Variants in SAFB2 observed in about 807,000 individuals in gnomAD.
SAFB2 encodes the protein scaffold attachment factor B2.
SAFB2 carries 32 observed loss-of-function variants against 100.6 expected under a neutral mutation model. That is an observed-to-expected ratio of 0.32 (90% CI 0.24 to 0.43). The LOEUF is 0.43. Among genes scored for constraint, SAFB2 ranks in the 20% least tolerant of loss-of-function variants. The pLI, the probability that SAFB2 is intolerant of heterozygous loss-of-function variation, is 1.00. For missense variants in SAFB2, 1,185 were observed against 1,163.4 expected (o/e 1.02, Z -0.27); for synonymous variants, 500 against 439.4 (o/e 1.14, Z -1.72).
At chr19:5,598,758 A>G (rs1249588615) in intron 13 of SAFB2, 35 bp downstream of exon 13, 3 of 1,583,794 alleles carry the variant, frequency 1.9e-6, no homozygotes, top group Admixed American at 1.7e-5. Context: ...ATCGTGAGAA[A>G]CAGCTGGCCC....
At chr19:5,613,354 A>G (rs1001945034) in intron 5 of SAFB2, 111 bp downstream of exon 5, 8 of 981,390 alleles carry the variant, frequency 8.2e-6, no homozygotes, top group Admixed American at 2.3e-5. Flanking sequence ...TAACCCCAGC[A>G]TCCAGCACAG....
At chr19:5,612,284 T>C in intron 6 of SAFB2, 1 of 534,730 alleles carries the variant, frequency 1.9e-6, no homozygotes, top group Non-Finnish European at 3.3e-6. Flanking sequence ...GGGAATTAAA[T>C]GCCACTCTAC....
rs1447589920 is a variant in SAFB2 at position 5,587,688 on chromosome 19, C to G, written c.2705+13G>C. 4 of 1,545,172 alleles carry G rather than the reference C, an allele frequency of 2.6e-6. No individual in the cohort carries two copies. The Admixed American group carries it at 8.0e-5, about 31-fold the overall frequency. On this transcript the variant is annotated intron_variant, in intron 20 of 20. Coordinates refer to ENST00000252542, the MANE Select transcript of SAFB2 (RefSeq NM_014649.3). This position sits in a 1 kb window ranked among gnomAD's most constrained non-coding sequence, Gnocchi z 4.9. ...GGAGTGAACCACCGTCCTCCACGGA[C>G]GACACACCTTACCCCGCCACTCCAC...
chr19:5,587,536 T>G lies in SAFB2; in HGVS notation c.2706-137A>C. 1 of 1,470,720 alleles carries G rather than the reference T, an allele frequency of 6.8e-7. No individual in the cohort carries two copies. The highest frequency in any genetic ancestry group is 1.4e-5 in the African/African-American group (1 of 70,632). 91.1% of individuals were successfully genotyped at this position (1,470,720 alleles called of 1,614,324 possible). ...GGTGAGAAAAATCATCATCGCACATTGTATTCCAGGTAACTCAAGAGCGTT... is the reference window on the plus strand; with the variant it reads ...GGTGAGAAAAATCATCATCGCACATGGTATTCCAGGTAACTCAAGAGCGTT... On this transcript the variant is annotated intron_variant, in intron 20 of 20. Transcript: ENST00000252542. This position sits in a 1 kb window ranked among gnomAD's most constrained non-coding sequence, Gnocchi z 4.9.
chr19:5,610,919 C>T (rs905544598), intron 7 of SAFB2: 1 of 721,798 alleles, frequency 1.4e-6, no homozygotes. Flanking sequence ...TTTAAGAACA[C>T]AACCATGGTA....
rs758533140 is a variant in SAFB2 at position 5,616,426 on chromosome 19, C to A, written c.335G>T (p.Gly112Val). The A allele has an allele frequency of 8.1e-6, 13 of 1,613,892 alleles. No homozygotes were observed. Among genetic ancestry groups the A allele is most frequent in the Non-Finnish European group, 9.3e-6 (11 of 1,180,012 alleles). Residue 112 changes from glycine to valine, a missense_variant, in exon 3 of 21, where the codon GGG (glycine) becomes GTG (valine). Coordinates refer to ENST00000252542, the MANE Select transcript of SAFB2 (RefSeq NM_014649.3). ...CTCTACCCTGACATCACTTACCTGC[C>A]CGTCTCTGGAATCGTCTTCCAGGCC... ...DNGLEDDSRDGQEDMEASLEN... is the reference protein window; with the variant it reads ...DNGLEDDSRDVQEDMEASLEN...
rs999652549 is a variant in SAFB2 at position 5,604,884 on chromosome 19, T to C, written c.1349A>G (p.Tyr450Cys). The C allele has an allele frequency of 1.2e-6, 2 of 1,613,996 alleles. No individual in the cohort carries two copies. Among genetic ancestry groups the C allele is most frequent in the Non-Finnish European group, 8.5e-7 (1 of 1,180,048 alleles). The change falls in exon 10 of 21, where the codon TAT becomes TGT. Residue 450 changes from tyrosine to cysteine, a missense_variant. Physicochemically the swap from Tyr to Cys is radical, Grantham distance 194 (BLOSUM62 -2). Coordinates refer to ENST00000252542, the MANE Select transcript of SAFB2 (RefSeq NM_014649.3). Reference protein sequence around the residue: ...TNARSPGARCYGFVTMSTSDE... With the variant: ...TNARSPGARCCGFVTMSTSDE... Reference sequence around the variant, plus strand: ...AGATGTCGACATGGTGACGAATCCATAGCATCGAGCCCCCGGGCTGCGGGC... The same window carrying C: ...AGATGTCGACATGGTGACGAATCCACAGCATCGAGCCCCCGGGCTGCGGGC...
chr19:5,616,518 C>T (rs777561069), intron 2 of SAFB2, 32 bp from the exon 3 acceptor site: 1 of 1,560,286 alleles, frequency 6.4e-7, no homozygotes, highest in East Asian at 2.2e-5. Flanking sequence ...AATCAGATAA[C>T]ACTCAAGTTC....
chr19:5,597,196 C>G (rs2052551850), intron 13 of SAFB2, among the ~76,000 whole-genome samples: 1 of 152,154 alleles, frequency 6.6e-6, no homozygotes, highest in Non-Finnish European at 1.5e-5. Context: ...TACTAGCGAC[C>G]TGGCAGGTGC....
chr19:5,620,190 TAA>T (rs981512348), intron 2 of SAFB2, among the ~76,000 whole-genome samples: 5 of 152,200 alleles, frequency 3.3e-5, no homozygotes, highest in African/African-American at 1.2e-4. Flanking sequence ...GCAACCTAAC[TAA>T]AAGATTTAAT....
rs530137049 is a variant in SAFB2 at position 5,587,733 on chromosome 19, C to T, written c.2673G>A (p.Pro891=). 55 of 1,552,460 alleles carry T rather than the reference C, an allele frequency of 3.5e-5. No homozygotes were observed. Among genetic ancestry groups the T allele is most frequent in the East Asian group, 1.5e-4 (6 of 40,990 alleles). Reference sequence around the variant, plus strand: ...CTCCACCGCGGCTTGCCATGTGCCCCGGCCCCGAGGGCCCAGACAGGCCCC... The same window carrying T: ...CTCCACCGCGGCTTGCCATGTGCCCTGGCCCCGAGGGCCCAGACAGGCCCC... ...GERGLSGPSG[P]GHMASRGGVA... The change falls in exon 20 of 21, where the codon CCG becomes CCA. Residue 891 remains proline, a synonymous_variant. Coordinates refer to ENST00000252542, the MANE Select transcript of SAFB2 (RefSeq NM_014649.3). The surrounding 1 kb of genome is among the most constrained non-coding windows in gnomAD (Gnocchi z 4.9).
intron 13 of SAFB2, among the ~76,000 whole-genome samples, chr19:5,595,898 T>TG (rs2052526961): frequency 6.6e-6 from 1 of 152,226 alleles, no homozygotes; most frequent in South Asian, 2.1e-4. Flanking sequence ...GCCAGCTGTT[T>TG]GGACAGCTGG....
chr19:5,595,217 C>T (rs995466062), intron 14 of SAFB2, 144 bp downstream of exon 14: 30 of 1,115,602 alleles, frequency 2.7e-5, no homozygotes, highest in Non-Finnish European at 3.4e-5. Flanking sequence ...GCCCCTGCCT[C>T]GAGGACCCAG....
At chr19:5,614,339 A>G (rs2052977165) in intron 4 of SAFB2, among the ~76,000 whole-genome samples, 2 of 152,344 alleles carry the variant, frequency 1.3e-5, no homozygotes, top group Admixed American at 1.3e-4. Context: ...AACTGTTAAC[A>G]CCAAGTTTTA....
chr19:5,621,259 T>G, intron 2 of SAFB2, 50 bp downstream of exon 2: 1 of 1,221,534 alleles, frequency 8.2e-7, no homozygotes, highest in Non-Finnish European at 1.2e-6. Context: ...TACACACCAT[T>G]TCTCTAAATT....
chr19:5,613,143 A>C (rs905411861), intron 5 of SAFB2, among the ~76,000 whole-genome samples: 3 of 151,996 alleles, frequency 2.0e-5, no homozygotes, highest in Admixed American at 6.6e-5. Context: ...ACACCACCCA[A>C]ACTTTCTGCT....
At position 5,593,909 on chromosome 19, in the gene SAFB2, C is replaced by A; in HGVS notation, c.2189G>T (p.Arg730Met). The change falls in exon 15 of 21, where the codon AGG becomes ATG. Residue 730 changes from arginine to methionine, a missense_variant. Coordinates refer to ENST00000252542, the MANE Select transcript of SAFB2 (RefSeq NM_014649.3). ...RYEQERRPGR[R>M]PYDLDRRDDA... The stretch of plus-strand genomic sequence containing the variant: ...GACTCACCGGTCCAGGTCGTAGGGC[C>A]TCCGCCCGGGCCGCCGCTCCTGCTC... 1 of 1,519,238 alleles carries A rather than the reference C, an allele frequency of 6.6e-7. No homozygotes were observed. Among genetic ancestry groups the A allele is most frequent in the South Asian group, 1.3e-5 (1 of 76,396 alleles). 94.1% of individuals were successfully genotyped at this position (1,519,238 alleles called of 1,614,324 possible). A position where few individuals can be genotyped will look rare whatever the true frequency, so the allele number is the denominator to read the frequency against.
chr19:5,615,562 T>C (rs910552897), intron 4 of SAFB2, among the ~76,000 whole-genome samples: 4 of 150,690 alleles, frequency 2.7e-5, no homozygotes, highest in South Asian at 2.1e-4. Context: ...AAAATTTTTT[T>C]TTAATTAGCT....
intron 4 of SAFB2, among the ~76,000 whole-genome samples, chr19:5,615,044 C>T (rs1412729754): frequency 6.6e-6 from 1 of 151,996 alleles, no homozygotes; most frequent in Non-Finnish European, 1.5e-5. Context: ...AACCCTATCT[C>T]TACCAAAAAT....
Sources: gnomAD v4.1 joint callset for allele counts (sites outside exome capture counted in the v4.1 genomes callset) on GRCh38, gnomAD v4.1.1 for gene constraint, Gnocchi (gnomAD v3.1) non-coding constraint, MANE v1.5 for transcripts, NCBI Gene and HGNC (gene_info 2026-07-23, HGNC 2026-07-21) for gene names.